The following DHRS13 variants were observed in gnomAD, a reference collection of about 807,000 sequenced individuals.
DHRS13 encodes dehydrogenase/reductase 13, also known as dehydrogenase/reductase SDR family member 13.
DHRS13 carries 22 observed loss-of-function variants against 17.9 expected under a neutral mutation model. The observed-to-expected ratio is 1.23, with a 90% CI of 0.88 to 1.75. The LOEUF is 1.75. Ranked by LOEUF, DHRS13 falls within the 40% of genes most tolerant of loss-of-function variation. The pLI is 0.00. For synonymous variants in DHRS13, 206 were observed against 220.4 expected, an observed-to-expected ratio of 0.93 and a Z score of 0.58; for missense variants, 483 against 519.9, an observed-to-expected ratio of 0.93 and a Z score of 0.69.
Position 28,900,991 on chromosome 17 carries a change from T to C in DHRS13, c.681A>G (p.Pro227=). 1 of 1,587,530 alleles carries C rather than the reference T, an allele frequency of 6.3e-7. No homozygotes were observed. Among genetic ancestry groups the C allele is most frequent in the Non-Finnish European group, 8.6e-7 (1 of 1,163,310 alleles). Residue 227 remains proline (P), a splice_region_variant and synonymous_variant, in exon 4 of 5, where the codon CCA becomes CCG. Coordinates refer to ENST00000378895, the MANE Select transcript of DHRS13 (RefSeq NM_144683.4). The part of the protein sequence containing the change: ...ATGVTCYAAH[P]GPVNSELFLR... ...GGAAGCCAAAGAACCAGACCTCACC[T>C]GGGTGGGCTGCATAGCAGGTGACGC...
chr17:28,902,008 T>A lies in DHRS13; in HGVS notation c.247-392A>T, dbSNP rs919438339. On this transcript the variant is annotated intron_variant, in intron 2 of 4. Transcript: ENST00000378895. This position sits in a 1 kb window ranked among gnomAD's most constrained non-coding sequence, Gnocchi z 4.0. ...TACCCTAAAATCTGTAACTTCTCAC[T>A]GGTCTCCTCTCTCCCGCTCTTGCCC... 3 of 186,392 alleles carry A rather than the reference T, an allele frequency of 1.6e-5. No individual in the cohort carries two copies. The highest frequency in any genetic ancestry group is 7.2e-5 in the African/African-American group (3 of 41,934). The allele number at this position is 186,392 out of a possible 1,614,324, so 11.5% of individuals were successfully genotyped here.
At position 28,902,463 on chromosome 17, in the gene DHRS13, T is replaced by C; in HGVS notation, c.246+120A>G. ...CGCTCCGTGCACTCCCTCTTCGCGC[T>C]CAGCCGCCCGCGCCGCGCTCTCCTC... On this transcript the variant is annotated intron_variant, in intron 2 of 4. Transcript: ENST00000378895. This position sits in a 1 kb window ranked among gnomAD's most constrained non-coding sequence, Gnocchi z 4.0. 9.1e-7 allele frequency: 1 copy of C among 1,101,274 alleles called. No homozygotes were observed. The highest frequency in any genetic ancestry group is 1.2e-6 in the Non-Finnish European group (1 of 832,868). 68.2% of individuals were successfully genotyped at this position (1,101,274 alleles called of 1,614,324 possible). A position where few individuals can be genotyped will look rare whatever the true frequency, so the allele number is the denominator to read the frequency against.
chr17:28,902,640 C>T lies in DHRS13; in HGVS notation c.189G>A (p.Val63=). ...ALELARRGAR[V]VLACRSQERG... ...GCTCCTGGCTGCGGCAGGCCAGCAC[C>T]ACGCGCGCTCCCCGGCGCGCCAGCT... is the stretch of plus-strand genomic sequence containing the variant. The change falls in exon 2 of 5, where the codon GTG becomes GTA. Residue 63 remains valine (V), a synonymous_variant. Transcript: ENST00000378895. This position sits in a 1 kb window ranked among gnomAD's most constrained non-coding sequence, Gnocchi z 4.0. 2 of 1,449,074 alleles carry T rather than the reference C, an allele frequency of 1.4e-6. No individual in the cohort carries two copies. The highest frequency in any genetic ancestry group is 2.7e-5 in the South Asian group (2 of 74,344). 89.8% of individuals were successfully genotyped at this position (1,449,074 alleles called of 1,614,324 possible). A position where few individuals can be genotyped will look rare whatever the true frequency, so the allele number is the denominator to read the frequency against.
At chr17:28,900,944 G>T in intron 4 of DHRS13, 46 bp downstream of exon 4, 1 of 1,541,886 alleles carries the variant, frequency 6.5e-7, no homozygotes. Flanking sequence ...ACAGGATGGG[G>T]CAAGGAAAGG....
chr17:28,902,817 C>T lies in DHRS13; in HGVS notation c.127+1G>A, dbSNP rs751402262. 16 of 1,537,030 alleles carry T rather than the reference C, an allele frequency of 1.0e-5. No homozygotes were observed. The highest frequency in any genetic ancestry group is 1.9e-5 in the Admixed American group (1 of 53,036). ...TCGCACTCACCCGCCTCCGCACTCA[C>T]CCGTGACCACGGCCGTGCGGCCCCG... is the stretch of plus-strand genomic sequence containing the variant. On this transcript the variant is annotated splice_donor_variant, in intron 1 of 4. Coordinates refer to ENST00000378895, the MANE Select transcript of DHRS13 (RefSeq NM_144683.4). LOFTEE classifies it high-confidence loss of function. This position sits in a 1 kb window ranked among gnomAD's most constrained non-coding sequence, Gnocchi z 4.0.
chr17:28,898,314 T>C lies in DHRS13; in HGVS notation c.*127A>G, dbSNP rs1263613203. On this transcript the variant is annotated 3_prime_UTR_variant, in exon 5 of 5. Transcript: ENST00000378895. ...GGAAAAGAGATGTCCAGGGCACAGC[T>C]TGGGGCCCCAGAAAGTAACCACGGA... 7.2e-6 allele frequency: 8 copies of C among 1,107,936 alleles called. No homozygotes were observed. The highest frequency in any genetic ancestry group is 1.6e-5 in the African/African-American group (1 of 62,362). 68.6% of individuals were successfully genotyped at this position (1,107,936 alleles called of 1,614,324 possible). A position where few individuals can be genotyped will look rare whatever the true frequency, so the allele number is the denominator to read the frequency against.
rs1235930883 is a variant in DHRS13, at chr17:28,902,127, T to C, written c.246+456A>G. On this transcript the variant is annotated intron_variant, in intron 2 of 4. Coordinates refer to ENST00000378895, the MANE Select transcript of DHRS13 (RefSeq NM_144683.4). The surrounding 1 kb of genome is among the most constrained non-coding windows in gnomAD (Gnocchi z 4.0). ...ACTGAGGGCTGTTCATGGTCTCCAC[T>C]GGTCTCTGCTGCCCAATCTATAAAA... 6.0e-6 allele frequency: 1 copy of C among 166,402 alleles called. No homozygotes were observed. The highest frequency in any genetic ancestry group is 1.3e-5 in the Non-Finnish European group (1 of 76,966). The allele number at this position is 166,402 out of a possible 1,614,324, so 10.3% of individuals were successfully genotyped here.
At chr17:28,900,131 C>T (rs1028061937) in intron 4 of DHRS13, among the ~76,000 whole-genome samples, 1 of 152,098 alleles carries the variant, frequency 6.6e-6, no homozygotes, top group Non-Finnish European at 1.5e-5. Context: ...TCAGGCTGGT[C>T]TCGAACTCCT....
In DHRS13 at chr17:28,901,360, C is replaced by T; in HGVS notation, c.371-59G>A. The stretch of plus-strand genomic sequence containing the variant: ...AGAAGGAGCTCTGCAGCCTTGGCAT[C>T]CCTATCTATGAGATGGGAGAAGGGG... On this transcript the variant is annotated intron_variant, in intron 3 of 4. Transcript: ENST00000378895. The surrounding 1 kb of genome is among the most constrained non-coding windows in gnomAD (Gnocchi z 4.3). The T allele has an allele frequency of 6.3e-7, 1 of 1,581,322 alleles. No individual in the cohort carries two copies. The highest frequency in any genetic ancestry group is 8.6e-7 in the Non-Finnish European group (1 of 1,162,276).
Position 28,902,500 on chromosome 17 carries a change from A to C in DHRS13, c.246+83T>G. 1 of 1,304,634 alleles carries C rather than the reference A, an allele frequency of 7.7e-7. No individual in the cohort carries two copies. Among genetic ancestry groups the C allele is most frequent in the Non-Finnish European group, 9.9e-7 (1 of 1,005,636 alleles). 80.8% of individuals were successfully genotyped at this position (1,304,634 alleles called of 1,614,324 possible). On this transcript the variant is annotated intron_variant, in intron 2 of 4. Transcript: ENST00000378895. The surrounding 1 kb of genome is among the most constrained non-coding windows in gnomAD (Gnocchi z 4.0). ...GCCGCGCTCTCCTCCCTGGACCCGG[A>C]TCCTCCGCAGCCCCTTTGCTGGCTT...
At position 28,902,312 on chromosome 17, in the gene DHRS13, G is replaced by C. The variant is rs1467187075; in HGVS notation, c.246+271C>G. On this transcript the variant is annotated intron_variant, in intron 2 of 4. Coordinates refer to ENST00000378895, the MANE Select transcript of DHRS13 (RefSeq NM_144683.4). The surrounding 1 kb of genome is among the most constrained non-coding windows in gnomAD (Gnocchi z 4.0). ...CTTTGCTTATGCTGTGCCCTCTGCT[G>C]TTCCCTTTCCTACTGATCATTAACC... 6.6e-6 allele frequency among the ~76,000 whole-genome samples: 1 copy of C among 152,216 alleles called. No homozygotes were observed. The highest frequency in any genetic ancestry group is 2.4e-5 in the African/African-American group (1 of 41,452).
chr17:28,901,339 G>A lies in DHRS13; in HGVS notation c.371-38C>T. ...CTAAATGTGAGCGGCTGCTCCAGAA[G>A]GAGCTCTGCAGCCTTGGCATCCCTA... On this transcript the variant is annotated intron_variant, in intron 3 of 4. Transcript: ENST00000378895. The surrounding 1 kb of genome is among the most constrained non-coding windows in gnomAD (Gnocchi z 4.3). 1.3e-6 allele frequency: 2 copies of A among 1,583,842 alleles called. No homozygotes were observed. Among genetic ancestry groups the A allele is most frequent in the Non-Finnish European group, 1.7e-6 (2 of 1,163,302 alleles).
rs752639808 is a variant in DHRS13 at position 28,901,636 on chromosome 17, G to C, written c.247-20C>G. On this transcript the variant is annotated intron_variant, in intron 2 of 4. Coordinates refer to ENST00000378895, the MANE Select transcript of DHRS13 (RefSeq NM_144683.4). The surrounding 1 kb of genome is among the most constrained non-coding windows in gnomAD (Gnocchi z 4.3). ...ACTCTCCTGTGGAGAGGCAAGGGCTGGGCTTGTCACCAGGCATCTCTCTCC... is the reference window on the plus strand; with the variant it reads ...ACTCTCCTGTGGAGAGGCAAGGGCTCGGCTTGTCACCAGGCATCTCTCTCC... The C allele has an allele frequency of 6.2e-7, 1 of 1,612,594 alleles. No individual in the cohort carries two copies. The highest frequency in any genetic ancestry group is 1.1e-5 in the South Asian group (1 of 91,054).
rs1275777952 is a variant in DHRS13, at chr17:28,899,836, T to C, written c.683-944A>G. 6.6e-6 allele frequency among the ~76,000 whole-genome samples: 1 copy of C among 152,214 alleles called. No individual in the cohort carries two copies. The highest frequency in any genetic ancestry group is 1.9e-4 in the East Asian group (1 of 5,202). On this transcript the variant is annotated intron_variant, in intron 4 of 4. Transcript: ENST00000378895. The surrounding 1 kb of genome is among the most constrained non-coding windows in gnomAD (Gnocchi z 4.7). ...GATTCTCCTGCCTCAGCCTCCTGAA[T>C]AGCTGGGACTACAGGTGATAGCCAC...
chr17:28,900,939 A>C (rs755229103), intron 4 of DHRS13, 51 bp downstream of exon 4: 25 of 1,536,640 alleles, frequency 1.6e-5, no homozygotes, highest in Non-Finnish European at 2.1e-5. Flanking sequence ...GGGGCACAGG[A>C]TGGGGCAAGG....
chr17:28,899,853 G>A lies in DHRS13; in HGVS notation c.683-961C>T, dbSNP rs561768192. On this transcript the variant is annotated intron_variant, in intron 4 of 4. Transcript: ENST00000378895. The surrounding 1 kb of genome is among the most constrained non-coding windows in gnomAD (Gnocchi z 4.7). ...CTCCTGAATAGCTGGGACTACAGGT[G>A]ATAGCCACAATGCCTAGCTAATTTT... Among the ~76,000 whole-genome samples the A allele has an allele frequency of 2.3e-4, 35 of 152,232 alleles. No homozygotes were observed. The highest frequency in any genetic ancestry group is 8.4e-4 in the African/African-American group (35 of 41,522).
intron 4 of DHRS13, among the ~76,000 whole-genome samples, chr17:28,900,695 C>T (rs1167081234): frequency 6.6e-6 from 1 of 152,124 alleles, no homozygotes; most frequent in Non-Finnish European, 1.5e-5. Context: ...TCATCATTAT[C>T]AGTTCAGTCA....
rs763368832 is a variant in DHRS13 at position 28,901,590 on chromosome 17, G to A, written c.273C>T (p.Phe91=). 20 of 1,614,222 alleles carry A rather than the reference G, an allele frequency of 1.2e-5. No homozygotes were observed. Among genetic ancestry groups the A allele is most frequent in the Non-Finnish European group, 1.5e-5 (18 of 1,180,030 alleles). Residue 91 remains phenylalanine (F), a synonymous_variant, in exon 3 of 5, where the codon TTC becomes TTT. Transcript: ENST00000378895. The surrounding 1 kb of genome is among the most constrained non-coding windows in gnomAD (Gnocchi z 4.3). The part of the protein sequence containing the change: ...RQESGNNEVI[F]MALDLASLAS... ...CCAGACTGGCCAAGTCCAAGGCCAT[G>A]AAGATGACCTCATTGTTCCCACTCT...
chr17:28,898,197 C>T lies in DHRS13; in HGVS notation c.*244G>A, dbSNP rs1383908241. The T allele has an allele frequency of 1.9e-6, 1 of 517,044 alleles. No individual in the cohort carries two copies. Among genetic ancestry groups the T allele is most frequent in the Non-Finnish European group, 3.4e-6 (1 of 296,638 alleles). 32.0% of individuals were successfully genotyped at this position (517,044 alleles called of 1,614,324 possible). On this transcript the variant is annotated 3_prime_UTR_variant, in exon 5 of 5. Transcript: ENST00000378895. ...CCTGAAAATACTACATCCAAATTTC[C>T]GAGAAGCACAGTGTCTAGCATACCC...
Sources: allele counts gnomAD v4.1 joint callset (sites outside exome capture counted in the v4.1 genomes callset), GRCh38; gene constraint gnomAD v4.1.1; non-coding constraint Gnocchi (gnomAD v3.1); transcripts MANE v1.5; gene names NCBI Gene and HGNC (gene_info 2026-07-23, HGNC 2026-07-21).